The following NFIB variants were observed in gnomAD, a reference collection of about 807,000 sequenced individuals.
NFIB encodes the protein nuclear factor 1 B-type.
A neutral mutation model predicts 61.5 loss-of-function variants in NFIB; 11 were observed. The observed-to-expected ratio is 0.18, with a 90% CI of 0.11 to 0.30. The LOEUF (loss-of-function observed/expected upper bound fraction) is 0.30, where lower values mean the gene tolerates loss of function less well. NFIB is among the 10% of genes least tolerant of loss of function. The pLI, the probability that NFIB is intolerant of heterozygous loss-of-function variation, is 1.00. For missense variants in NFIB, 471 were observed against 608.9 expected, an observed-to-expected ratio of 0.77 and a Z score of 2.38; for synonymous variants, 260 against 216.5, an observed-to-expected ratio of 1.20 and a Z score of -1.76.
intron 7 of NFIB, 94 bp downstream of exon 7, chr9:14,125,538 C>G: frequency 6.6e-7 from 1 of 1,507,622 alleles, no homozygotes; most frequent in Non-Finnish European, 8.9e-7. Context: ...ATATGGTTGC[C>G]ATAGCTCTAT....
At chr9:14,285,586 T>G (rs1357847010) in intron 2 of NFIB, among the ~76,000 whole-genome samples, 1 of 152,200 alleles carries the variant, frequency 6.6e-6, no homozygotes, top group Admixed American at 6.5e-5. Context: ...CAGCGATAAC[T>G]GCATGGATCA....
Position 14,144,153 on chromosome 9 carries a change from T to C in NFIB, c.925+2536A>G, listed in dbSNP as rs538655293. On this transcript the variant is annotated intron_variant, in intron 6 of 10. Coordinates refer to ENST00000380953, the MANE Select transcript of NFIB (RefSeq NM_001190737.2). ...AGAAAATCACCAAGACAATACAATG[T>C]TTTCACAAAGAAAAAGAATGACAGT... Among the ~76,000 whole-genome samples, 288 of 152,208 alleles carry C rather than the reference T, an allele frequency of 1.9e-3. 1 individual carries two copies. The highest frequency in any genetic ancestry group is 6.8e-3 in the African/African-American group (282 of 41,528).
chr9:14,458,717 C>T, the NFIB span, among the ~76,000 whole-genome samples: 1 of 152,092 alleles, frequency 6.6e-6, no homozygotes, highest in Admixed American at 6.5e-5. Context: ...TTCTTATACA[C>T]CAATAACAGA....
intron 2 of NFIB, among the ~76,000 whole-genome samples, chr9:14,196,115 C>T (rs2048442371): frequency 6.6e-6 from 1 of 151,812 alleles, no homozygotes; most frequent in Non-Finnish European, 1.5e-5. Context: ...ACTTAATTTT[C>T]CGTTCACCTG....
At chr9:14,407,189 TAA>T in the NFIB span, among the ~76,000 whole-genome samples, 23 of 152,190 alleles carry the variant, frequency 1.5e-4, no homozygotes, top group Non-Finnish European at 2.5e-4. Flanking sequence ...AAAGTTAGGT[TAA>T]ATAATGCCCT....
chr9:14,120,568 T>A lies in NFIB; in HGVS notation c.1117A>T (p.Ile373Phe). ...TAGCTCGATGGGGCTGGAGGAAGGA[T>A]AGCTTGTGTTGGAAATGGCAACGGT... ...PSPLPFPTQA[I>F]LPPAPSSYFS... Residue 373 changes from isoleucine to phenylalanine, a missense_variant, in exon 8 of 11, where the codon ATC becomes TTC. Ile to Phe is a conservative substitution (Grantham distance 21, BLOSUM62 0). Around this residue, in one of 2 missense-constraint regions of NFIB, gnomAD observed 372 missense variants for 395.6 expected, o/e 0.94. Coordinates refer to ENST00000380953, the MANE Select transcript of NFIB (RefSeq NM_001190737.2). The surrounding 1 kb of genome is among the most constrained non-coding windows in gnomAD (Gnocchi z 4.4). 6.2e-7 allele frequency: 1 copy of A among 1,613,734 alleles called. No individual in the cohort carries two copies. Among genetic ancestry groups the A allele is most frequent in the African/African-American group, 1.3e-5 (1 of 74,996 alleles).
the NFIB span, among the ~76,000 whole-genome samples, chr9:14,498,574 G>C: frequency 1.3e-5 from 2 of 152,198 alleles, no homozygotes; most frequent in Admixed American, 1.3e-4. Flanking sequence ...GCTTGGACCA[G>C]CTCAGGATGC....
intron 2 of NFIB, among the ~76,000 whole-genome samples, chr9:14,252,246 CTT>C (rs1017352998): frequency 6.6e-6 from 1 of 152,110 alleles, no homozygotes; most frequent in Non-Finnish European, 1.5e-5. Context: ...TTTTCAAAGT[CTT>C]GAACATATTT....
chr9:14,455,465 T>C, the NFIB span, among the ~76,000 whole-genome samples: 6 of 152,168 alleles, frequency 3.9e-5, no homozygotes, highest in African/African-American at 1.4e-4. Flanking sequence ...AGTGGATTTA[T>C]CAAGGCTTTT....
the NFIB span, among the ~76,000 whole-genome samples, chr9:14,501,022 C>T: frequency 6.6e-6 from 1 of 152,202 alleles, no homozygotes; most frequent in Non-Finnish European, 1.5e-5. Context: ...GAGTTTATTT[C>T]CAAATTTAGA....
intron 2 of NFIB, among the ~76,000 whole-genome samples, chr9:14,236,968 A>AT (rs942440010): frequency 2.0e-5 from 3 of 150,948 alleles, no homozygotes; most frequent in African/African-American, 7.3e-5. Context: ...AATTGCTCTC[A>AT]TTTTTTTTTC....
chr9:14,088,204 C>A lies in NFIB; in HGVS notation c.*105G>T. On this transcript the variant is annotated 3_prime_UTR_variant, in exon 11 of 11. Transcript: ENST00000380953. ...GTTGTGTTTCTTTTTCCCTCAGTTGCTTGTTTCTGCTTGAAGGAAAGGTTC... is the reference window on the plus strand; with the variant it reads ...GTTGTGTTTCTTTTTCCCTCAGTTGATTGTTTCTGCTTGAAGGAAAGGTTC... 1 of 1,527,034 alleles carries A rather than the reference C, an allele frequency of 6.5e-7. No homozygotes were observed. The highest frequency in any genetic ancestry group is 2.4e-5 in the East Asian group (1 of 40,874). The allele number at this position is 1,527,034 out of a possible 1,614,324, so 94.6% of individuals were successfully genotyped here. A position where few individuals can be genotyped will look rare whatever the true frequency, so the allele number is the denominator to read the frequency against.
the NFIB span, among the ~76,000 whole-genome samples, chr9:14,515,523 A>T: frequency 6.6e-6 from 1 of 152,118 alleles, no homozygotes; most frequent in Admixed American, 6.5e-5. Context: ...GTGTGGTGCC[A>T]GGAACCCTTT....
chr9:14,468,064 G>C, the NFIB span, among the ~76,000 whole-genome samples: 1 of 152,172 alleles, frequency 6.6e-6, no homozygotes, highest in Non-Finnish European at 1.5e-5. Flanking sequence ...CAGAATTTAT[G>C]TGCAGAAATT....
chr9:14,388,386 AG>A (rs2061577356), intron 1 of NFIB, among the ~76,000 whole-genome samples: 1 of 10,624 alleles, frequency 9.4e-5, no homozygotes, highest in African/African-American at 3.4e-4. Flanking sequence ...GAAGGAAGGA[AG>A]GAAGGAAGGA....
At chr9:14,274,996 T>A (rs1457092808) in intron 2 of NFIB, among the ~76,000 whole-genome samples, 1 of 152,218 alleles carries the variant, frequency 6.6e-6, no homozygotes, top group Non-Finnish European at 1.5e-5. Context: ...GTTTTGAAGT[T>A]AATTTACTTC....
Position 14,376,569 on chromosome 9 carries a change from T to C in NFIB, c.108+21955A>G, listed in dbSNP as rs564364708. Reference sequence around the variant, plus strand: ...TTTCACTCTGTCGTTCAGGGTGGAGTGCAGTGGCATGATCTCTGCTCATTG... The same window carrying C: ...TTTCACTCTGTCGTTCAGGGTGGAGCGCAGTGGCATGATCTCTGCTCATTG... On this transcript the variant is annotated intron_variant, in intron 1 of 8. Transcript: ENST00000380934. 3.3e-5 allele frequency among the ~76,000 whole-genome samples: 5 copies of C among 150,258 alleles called. No homozygotes were observed. The South Asian group carries it at 1.1e-3, about 32-fold the overall frequency.
the NFIB span, among the ~76,000 whole-genome samples, chr9:14,438,460 T>G: frequency 6.6e-6 from 1 of 152,230 alleles, no homozygotes; most frequent in Non-Finnish European, 1.5e-5. Context: ...TTTAACAGTT[T>G]ACATTTTCGA....
intron 3 of NFIB, among the ~76,000 whole-genome samples, chr9:14,163,945 C>T (rs576347123): frequency 7.3e-5 from 11 of 150,656 alleles, no homozygotes; most frequent in African/African-American, 2.7e-4. Context: ...AAACCATGAA[C>T]CAAAGAGAAA....
Sources: gnomAD v4.1 joint callset for allele counts (sites outside exome capture counted in the v4.1 genomes callset) on GRCh38, gnomAD v4.1.1 for gene constraint, gnomAD v4.1.1 regional missense constraint, Gnocchi (gnomAD v3.1) non-coding constraint, MANE v1.5 for transcripts, NCBI Gene and HGNC (gene_info 2026-07-23, HGNC 2026-07-21) for gene names.